The following LARGE1 variants were observed in gnomAD, a reference collection of about 807,000 sequenced individuals.
LARGE1 encodes LARGE xylosyl- and glucuronyltransferase 1.
In LARGE1, 43 loss-of-function variants were observed where a neutral mutation model predicts 87.6. The observed-to-expected ratio is 0.49, with a 90% CI of 0.38 to 0.63. The LOEUF (loss-of-function observed/expected upper bound fraction) is 0.63. Ranked by LOEUF, LARGE1 falls within the 30% of genes least tolerant of loss-of-function variation. LARGE1 has a pLI of 0.00. For synonymous variants in LARGE1, 434 were observed against 394.6 expected, an observed-to-expected ratio of 1.10 and a Z score of -1.18; for missense variants, 802 against 1,000.2, an observed-to-expected ratio of 0.80 and a Z score of 2.67.
rs151173203 is a variant in LARGE1, at chr22:33,876,061, T to C, written c.-83+43934A>G. On this transcript the variant is annotated intron_variant, in intron 1 of 14. Transcript: ENST00000397394. ...ACGTCATAGAAGAAAACATACAGGA[T>C]GGTCAAGAATGCAGGCTTTGGAGCA... Among the ~76,000 whole-genome samples the C allele has an allele frequency of 1.7e-4, 26 of 152,288 alleles. No homozygotes were observed. In the East Asian group the frequency reaches 3.9e-3, roughly 23 times the overall value.
intron 5 of LARGE1, among the ~76,000 whole-genome samples, chr22:33,600,728 C>T (rs542637508): frequency 1.4e-4 from 22 of 152,078 alleles, no homozygotes; most frequent in Non-Finnish European, 2.4e-4. Flanking sequence ...AGCCAGCGTC[C>T]GCAGAGAGAT....
chr22:33,371,083 A>G (rs2064792543), intron 9 of LARGE1, among the ~76,000 whole-genome samples: 1 of 151,148 alleles, frequency 6.6e-6, no homozygotes, highest in Admixed American at 6.6e-5. Flanking sequence ...TGTTATATGA[A>G]TAATACATAT....
chr22:33,530,684 C>T (rs2072154912), intron 6 of LARGE1, among the ~76,000 whole-genome samples: 1 of 152,150 alleles, frequency 6.6e-6, no homozygotes, highest in Admixed American at 6.5e-5. Context: ...CATGCATCAG[C>T]TTCACAAGTA....
chr22:33,804,707 C>T lies in LARGE1; in HGVS notation c.-82-43149G>A, dbSNP rs142645597. Among the ~76,000 whole-genome samples, 281 of 152,260 alleles carry T rather than the reference C, an allele frequency of 1.8e-3. 1 individual carries two copies. The highest frequency in any genetic ancestry group is 6.4e-3 in the African/African-American group (264 of 41,548). On this transcript the variant is annotated intron_variant, in intron 1 of 14. Transcript: ENST00000397394. ...GCTTAAACAAAAACAACAACAAAAC[C>T]CCAGCTCTAAAAAATGACTGAACTA... is the stretch of plus-strand genomic sequence containing the variant.
intron 1 of LARGE1, among the ~76,000 whole-genome samples, chr22:33,771,001 A>G (rs1262084188): frequency 6.6e-6 from 1 of 152,110 alleles, no homozygotes; most frequent in African/African-American, 2.4e-5. Flanking sequence ...CACCCAAAGC[A>G]GCACAACCTG....
At chr22:33,349,458 G>A (rs1311560814) in intron 9 of LARGE1, among the ~76,000 whole-genome samples, 8 of 152,158 alleles carry the variant, frequency 5.3e-5, no homozygotes, top group African/African-American at 1.9e-4. Context: ...CTCTCTGAGG[G>A]AGGCTCAGCA....
At chr22:33,106,206 C>G in the LARGE1 span, 1 of 152,244 alleles carries the variant, frequency 6.6e-6, no homozygotes, top group South Asian at 2.1e-4. Flanking sequence ...TTGGGCACCT[C>G]TGCTGTCCAG....
downstream of LARGE1, among the ~76,000 whole-genome samples, chr22:33,158,005 C>T (rs1014711454): frequency 6.6e-6 from 1 of 151,630 alleles, no homozygotes; most frequent in African/African-American, 2.4e-5. Flanking sequence ...CAGAACAATG[C>T]AAAATATATT....
intron 6 of LARGE1, among the ~76,000 whole-genome samples, chr22:33,472,338 C>T (rs1408800014): frequency 6.6e-6 from 1 of 151,952 alleles, no homozygotes; most frequent in Non-Finnish European, 1.5e-5. Context: ...GACAGGCATG[C>T]AGAGGGAGAG....
At chr22:33,138,134 C>T in the LARGE1 span, among the ~76,000 whole-genome samples, 1 of 152,156 alleles carries the variant, frequency 6.6e-6, no homozygotes, top group Non-Finnish European at 1.5e-5. Context: ...CCTACAAAAC[C>T]GTAGTGGCAG....
At chr22:33,571,426 T>C (rs376079956) in intron 5 of LARGE1, among the ~76,000 whole-genome samples, 70 of 152,236 alleles carry the variant, frequency 4.6e-4, no homozygotes, top group African/African-American at 1.7e-3. Flanking sequence ...AGCTGGACAG[T>C]GGACACACCT....
At chr22:33,850,098 G>C (rs970021715) in intron 1 of LARGE1, among the ~76,000 whole-genome samples, 18 of 152,106 alleles carry the variant, frequency 1.2e-4, no homozygotes, top group Non-Finnish European at 2.2e-4. Context: ...CCATACTTCT[G>C]TTGCAGAAAC....
intron 9 of LARGE1, among the ~76,000 whole-genome samples, chr22:33,366,601 G>C (rs1402707376): frequency 1.3e-5 from 2 of 152,124 alleles, no homozygotes; most frequent in African/African-American, 4.8e-5. Context: ...TTTTGCTTAA[G>C]ATTTTTGCAT....
At chr22:33,732,640 GGAA>G (rs1408663916) in intron 2 of LARGE1, 3 of 152,228 alleles carry the variant, frequency 2.0e-5, no homozygotes, top group African/African-American at 7.2e-5. Flanking sequence ...TTCCAGAAAT[GGAA>G]GAATAGGTGA....
chr22:33,705,075 T>C (rs1206943604), intron 2 of LARGE1, among the ~76,000 whole-genome samples: 1 of 152,106 alleles, frequency 6.6e-6, no homozygotes, highest in Non-Finnish European at 1.5e-5. Flanking sequence ...TCACCAACAC[T>C]TGCCACCATG....
chr22:33,090,975 T>A, the LARGE1 span, among the ~76,000 whole-genome samples: 1 of 152,208 alleles, frequency 6.6e-6, no homozygotes, highest in Non-Finnish European at 1.5e-5. Flanking sequence ...AGAGCTGACA[T>A]CTGTCGGCCT....
chr22:33,422,436 C>T (rs1386954157), intron 7 of LARGE1, among the ~76,000 whole-genome samples: 1 of 151,552 alleles, frequency 6.6e-6, no homozygotes, highest in Non-Finnish European at 1.5e-5. Flanking sequence ...TGGCAGAAGG[C>T]AAAGGGGGAG....
chr22:33,825,029 G>T (rs77246227), intron 1 of LARGE1, among the ~76,000 whole-genome samples: 1 of 152,098 alleles, frequency 6.6e-6, no homozygotes, highest in African/African-American at 2.4e-5. Context: ...AAGTGAATTT[G>T]GTCATCTCCA....
chr22:33,209,504 A>G (rs1924852452), intron 11 of LARGE1, among the ~76,000 whole-genome samples: 1 of 152,256 alleles, frequency 6.6e-6, no homozygotes, highest in Non-Finnish European at 1.5e-5. Flanking sequence ...TGCTCCAAAA[A>G]ATCCATTGAC....
Sources: gnomAD v4.1 joint callset for allele counts (sites outside exome capture counted in the v4.1 genomes callset) on GRCh38, gnomAD v4.1.1 for gene constraint, MANE v1.5 for transcripts, NCBI Gene and HGNC (gene_info 2026-07-23, HGNC 2026-07-21) for gene names.